The following INPP4B variants were observed in gnomAD, a reference collection of about 807,000 sequenced individuals.
The protein encoded by INPP4B is inositol polyphosphate-4-phosphatase type II B, also known as inositol polyphosphate 4-phosphatase type II.
INPP4B carries 55 observed loss-of-function variants against 122.5 expected under a neutral mutation model. The ratio of observed to expected loss-of-function variants is 0.45; its 90% CI spans 0.36 to 0.56. The LOEUF (loss-of-function observed/expected upper bound fraction) is 0.56. INPP4B is among the 20% of genes least tolerant of loss of function. The pLI is 0.00. For missense variants in INPP4B, 1,000 were observed against 1,097.7 expected (o/e 0.91, Z 1.26); for synonymous variants, 403 against 388.7 (o/e 1.04, Z -0.43).
rs1578943372 is a variant in INPP4B at position 142,112,788 on chromosome 4, T to G, written c.2136-106A>C. The G allele has an allele frequency of 4.9e-6, 5 of 1,023,104 alleles. No individual in the cohort carries two copies. The East Asian group carries it at 1.3e-4, about 26-fold the overall frequency. The allele number at this position is 1,023,104 out of a possible 1,614,324, so 63.4% of individuals were successfully genotyped here. On this transcript the variant is annotated intron_variant, in intron 21 of 25. Coordinates refer to ENST00000262992, the MANE Select transcript of INPP4B (RefSeq NM_001101669.3). ...AAAGGGTTGGAATATAGCACTGATTTAGGTTTCTGTTGCTATATGCTTATA... is the reference window on the plus strand; with the variant it reads ...AAAGGGTTGGAATATAGCACTGATTGAGGTTTCTGTTGCTATATGCTTATA...
At chr4:142,799,267 C>T (rs1002751871) in intron 1 of INPP4B, among the ~76,000 whole-genome samples, 8 of 151,878 alleles carry the variant, frequency 5.3e-5, no homozygotes, top group African/African-American at 9.6e-5. Flanking sequence ...TAAAACTCAT[C>T]GGTCTCAATA....
At chr4:142,816,239 A>G (rs1231119583) in intron 1 of INPP4B, among the ~76,000 whole-genome samples, 1 of 152,198 alleles carries the variant, frequency 6.6e-6, no homozygotes, top group African/African-American at 2.4e-5. Flanking sequence ...TGTAAGATTT[A>G]GAGAAGAAGA....
intron 11 of INPP4B, among the ~76,000 whole-genome samples, chr4:142,256,383 A>C (rs1421918726): frequency 2.6e-5 from 4 of 152,118 alleles, no homozygotes; most frequent in Non-Finnish European, 4.4e-5. Flanking sequence ...ATAGAGACAC[A>C]AAAAACCCTT....
chr4:142,512,802 T>G (rs900790791), intron 2 of INPP4B, among the ~76,000 whole-genome samples: 2 of 152,202 alleles, frequency 1.3e-5, no homozygotes, highest in African/African-American at 4.8e-5. Context: ...TCAAACTTTT[T>G]TTAGTTCCTG....
chr4:142,582,878 C>T (rs1168872115), intron 2 of INPP4B, among the ~76,000 whole-genome samples: 3 of 152,186 alleles, frequency 2.0e-5, no homozygotes. Context: ...TGTGGTAACA[C>T]ACTGAAAGTT....
chr4:142,548,933 A>C (rs1347346944), intron 2 of INPP4B, among the ~76,000 whole-genome samples: 1 of 152,134 alleles, frequency 6.6e-6, no homozygotes, highest in Non-Finnish European at 1.5e-5. Context: ...ACTGTGCTAT[A>C]ATAAAATTAT....
chr4:142,423,194 A>T (rs1807309044), intron 5 of INPP4B, among the ~76,000 whole-genome samples: 1 of 152,112 alleles, frequency 6.6e-6, no homozygotes, highest in South Asian at 2.1e-4. Flanking sequence ...TGGGCCTCTT[A>T]TGATTTTTCC....
At chr4:142,090,847 G>A (rs887640095) in intron 23 of INPP4B, among the ~76,000 whole-genome samples, 1 of 151,950 alleles carries the variant, frequency 6.6e-6, no homozygotes, top group African/African-American at 2.4e-5. Context: ...ATATATTAAT[G>A]CAAAGTAATA....
At chr4:142,046,491 C>A (rs148207382) in intron 25 of INPP4B, among the ~76,000 whole-genome samples, 1,708 of 151,806 alleles carry the variant, frequency 0.011, 34 homozygotes, top group African/African-American at 0.038. Context: ...TTGAAGGAGG[C>A]GGGTAATCAA....
chr4:142,077,201 G>A (rs1342712622), intron 25 of INPP4B, among the ~76,000 whole-genome samples: 3 of 151,876 alleles, frequency 2.0e-5, no homozygotes, highest in Non-Finnish European at 4.4e-5. Flanking sequence ...CTAAAGCCCT[G>A]TATTGCGAGG....
At chr4:142,528,342 A>C (rs536629624) in intron 2 of INPP4B, among the ~76,000 whole-genome samples, 1 of 152,178 alleles carries the variant, frequency 6.6e-6, no homozygotes, top group Admixed American at 6.6e-5. Context: ...AGTCATCTTA[A>C]GGCCTAAATA....
At chr4:142,615,149 G>A (rs78161040) in intron 2 of INPP4B, among the ~76,000 whole-genome samples, 9,179 of 152,134 alleles carry the variant, frequency 0.06, 325 homozygotes, top group South Asian at 0.1. Flanking sequence ...ATTTTAAAAG[G>A]TTAGTTCTGA....
At chr4:142,770,226 A>G (rs1050219504) in intron 1 of INPP4B, among the ~76,000 whole-genome samples, 1 of 152,182 alleles carries the variant, frequency 6.6e-6, no homozygotes, top group African/African-American at 2.4e-5. Flanking sequence ...GAGTTTGCCA[A>G]AGAACCTGAA....
chr4:142,804,238 T>A (rs1778393044), intron 1 of INPP4B, among the ~76,000 whole-genome samples: 1 of 152,172 alleles, frequency 6.6e-6, no homozygotes, highest in South Asian at 2.1e-4. Flanking sequence ...ATGACTTTTC[T>A]ACTCTAAACC....
At chr4:142,316,829 G>T (rs1159952889) in intron 7 of INPP4B, among the ~76,000 whole-genome samples, 1 of 152,082 alleles carries the variant, frequency 6.6e-6, no homozygotes, top group Non-Finnish European at 1.5e-5. Context: ...TGGTACATAG[G>T]TTATAACAGT....
chr4:142,351,704 A>C (rs1561911431), intron 7 of INPP4B, among the ~76,000 whole-genome samples: 1 of 152,040 alleles, frequency 6.6e-6, no homozygotes, highest in Non-Finnish European at 1.5e-5. Context: ...AAGTTGGCCA[A>C]GATGAACATG....
At chr4:142,345,960 GT>G (rs1015115978) in intron 7 of INPP4B, among the ~76,000 whole-genome samples, 1 of 151,888 alleles carries the variant, frequency 6.6e-6, no homozygotes, top group Non-Finnish European at 1.5e-5. Context: ...TGGATAAACT[GT>G]TTTTTTGTCC....
At chr4:142,099,044 C>G (rs1561112626) in intron 23 of INPP4B, among the ~76,000 whole-genome samples, 3 of 152,048 alleles carry the variant, frequency 2.0e-5, no homozygotes, top group African/African-American at 7.2e-5. Context: ...TAAGAAATAA[C>G]TATGTCACAC....
chr4:142,254,261 G>C (rs1579466451), intron 11 of INPP4B, among the ~76,000 whole-genome samples: 2 of 151,568 alleles, frequency 1.3e-5, no homozygotes, highest in South Asian at 2.1e-4. Context: ...GGAAAAAGCA[G>C]AGCAGAAAAA....
Sources: gnomAD v4.1 joint callset for allele counts (sites outside exome capture counted in the v4.1 genomes callset) on GRCh38, gnomAD v4.1.1 for gene constraint, MANE v1.5 for transcripts, NCBI Gene and HGNC (gene_info 2026-07-23, HGNC 2026-07-21) for gene names.